RBMS3: variants seen among roughly 807,000 people sequenced by gnomAD.
RBMS3 encodes the protein RNA binding motif single stranded interacting protein 3.
In RBMS3, 27 loss-of-function variants were observed where a neutral mutation model predicts 66.8. The observed-to-expected ratio is 0.40, with a 90% CI of 0.30 to 0.56. The LOEUF is 0.56. Among genes scored for constraint, RBMS3 ranks in the 20% least tolerant of loss-of-function variants. The pLI is 0.40. For missense variants in RBMS3, 513 were observed against 549.5 expected, an observed-to-expected ratio of 0.93 and a Z score of 0.66; for synonymous variants, 188 against 183.0, an observed-to-expected ratio of 1.03 and a Z score of -0.22.
chr3:29,746,151 T>C (rs1162394594), intron 5 of RBMS3, among the ~76,000 whole-genome samples: 1 of 152,254 alleles, frequency 6.6e-6, no homozygotes, highest in African/African-American at 2.4e-5. Context: ...AACAATACTT[T>C]ATTTGAAGGC....
At chr3:29,645,205 C>A (rs151224131) in intron 4 of RBMS3, among the ~76,000 whole-genome samples, 2 of 152,230 alleles carry the variant, frequency 1.3e-5, no homozygotes, top group African/African-American at 4.8e-5. Flanking sequence ...AGCAATGGAA[C>A]CTCTATGTAT....
At chr3:29,705,192 C>T (rs7624899) in intron 4 of RBMS3, among the ~76,000 whole-genome samples, 86,542 of 152,006 alleles carry the variant, frequency 0.57, 25,096 homozygotes, top group African/African-American at 0.68. Flanking sequence ...AGTTGAAAGA[C>T]CTTCCAGCAT....
intron 4 of RBMS3, among the ~76,000 whole-genome samples, chr3:29,609,593 T>A (rs757454871): frequency 6.6e-6 from 1 of 152,106 alleles, no homozygotes; most frequent in South Asian, 2.1e-4. Context: ...CAGTGGAGAA[T>A]CTGTACTGCT....
intron 2 of RBMS3, among the ~76,000 whole-genome samples, chr3:29,446,371 G>T (rs934777471): frequency 2.6e-5 from 4 of 151,984 alleles, no homozygotes; most frequent in African/African-American, 4.8e-5. Context: ...TAAGAGTCTT[G>T]TATTCAAAAA....
chr3:29,608,162 C>T (rs1246800766), intron 4 of RBMS3, among the ~76,000 whole-genome samples: 2 of 151,688 alleles, frequency 1.3e-5, no homozygotes, highest in Middle Eastern at 3.2e-3. Context: ...TCCCAGACAT[C>T]ATATTATTTC....
intron 1 of RBMS3, among the ~76,000 whole-genome samples, chr3:29,370,038 C>T (rs9843181): frequency 0.043 from 6,491 of 152,216 alleles, 492 homozygotes; most frequent in African/African-American, 0.15. Flanking sequence ...GAAATGACTT[C>T]GTGGTTTTCC....
chr3:29,992,776 C>G (rs755442), intron 14 of RBMS3, among the ~76,000 whole-genome samples: 23,619 of 151,990 alleles, frequency 0.16, 2,018 homozygotes, highest in Middle Eastern at 0.22. Context: ...GAAGGCAGAT[C>G]AAGGAATGAT....
At chr3:29,732,997 A>G (rs914269480) in intron 4 of RBMS3, among the ~76,000 whole-genome samples, 2 of 152,068 alleles carry the variant, frequency 1.3e-5, no homozygotes, top group Non-Finnish European at 2.9e-5. Context: ...TTTTGGAATA[A>G]TAACTCTTTC....
chr3:29,405,407 G>T (rs893796362), intron 1 of RBMS3, among the ~76,000 whole-genome samples: 8 of 152,122 alleles, frequency 5.3e-5, no homozygotes, highest in African/African-American at 1.9e-4. Flanking sequence ...GTGTGCCTCT[G>T]AGAAGAGAAA....
chr3:29,376,692 G>C (rs2038488659), intron 1 of RBMS3, among the ~76,000 whole-genome samples: 1 of 152,172 alleles, frequency 6.6e-6, no homozygotes, highest in African/African-American at 2.4e-5. Flanking sequence ...CGGATCACGA[G>C]GTCAGGAGAT....
intron 1 of RBMS3, among the ~76,000 whole-genome samples, chr3:29,290,147 T>C (rs1400738599): frequency 1.3e-5 from 2 of 151,900 alleles, no homozygotes; most frequent in Non-Finnish European, 2.9e-5. Flanking sequence ...TAAATTCTCA[T>C]GTTGCTTCTT....
chr3:29,809,097 A>G (rs535458142), intron 6 of RBMS3, among the ~76,000 whole-genome samples: 9 of 152,074 alleles, frequency 5.9e-5, no homozygotes, highest in African/African-American at 1.9e-4. Context: ...TTATTTCATA[A>G]CAGTCAATGG....
intron 1 of RBMS3, among the ~76,000 whole-genome samples, chr3:29,283,250 A>G (rs2031973036): frequency 6.6e-6 from 1 of 152,080 alleles, no homozygotes; most frequent in Non-Finnish European, 1.5e-5. Flanking sequence ...ATTTGGCTAC[A>G]TTTTTCCAAG....
At chr3:29,942,583 G>T (rs2061417822) in intron 11 of RBMS3, among the ~76,000 whole-genome samples, 1 of 151,720 alleles carries the variant, frequency 6.6e-6, no homozygotes, top group Non-Finnish European at 1.5e-5. Flanking sequence ...TGCATGTGTG[G>T]AGTTCAGTAT....
At chr3:29,880,468 C>A (rs189963377) in intron 7 of RBMS3, among the ~76,000 whole-genome samples, 1 of 152,128 alleles carries the variant, frequency 6.6e-6, no homozygotes, top group African/African-American at 2.4e-5. Context: ...ATGATGATTT[C>A]ATGGTCCTAG....
chr3:29,957,132 T>A (rs1261123220), intron 12 of RBMS3, among the ~76,000 whole-genome samples: 2 of 152,164 alleles, frequency 1.3e-5, no homozygotes, highest in Admixed American at 1.3e-4. Flanking sequence ...TGTCTTGTCT[T>A]AGAGTTTTCT....
At chr3:29,475,549 C>T (rs148520428) in intron 2 of RBMS3, among the ~76,000 whole-genome samples, 15 of 152,248 alleles carry the variant, frequency 9.9e-5, no homozygotes, top group African/African-American at 3.4e-4. Context: ...TGCGCCCAGC[C>T]AATTTCTCCT....
intron 6 of RBMS3, among the ~76,000 whole-genome samples, chr3:29,781,619 C>A (rs769967241): frequency 1.4e-4 from 22 of 152,016 alleles, no homozygotes; most frequent in South Asian, 4.1e-4. Flanking sequence ...GCTAATGCTA[C>A]CTCTTATATA....
intron 2 of RBMS3, among the ~76,000 whole-genome samples, chr3:29,465,581 G>A (rs1361773525): frequency 2.7e-5 from 4 of 150,608 alleles, no homozygotes; most frequent in African/African-American, 9.8e-5. Flanking sequence ...GAGCCCCTGA[G>A]CTGAGGGGTC....
Sources: allele counts gnomAD v4.1 joint callset (sites outside exome capture counted in the v4.1 genomes callset), GRCh38; gene constraint gnomAD v4.1.1; transcripts MANE v1.5; gene names NCBI Gene and HGNC (gene_info 2026-07-23, HGNC 2026-07-21).